Variants in NSG1 observed in about 807,000 individuals in gnomAD.
The protein encoded by NSG1 is neuronal vesicle trafficking associated 1.
NSG1 carries 9 observed loss-of-function variants against 19.3 expected under a neutral mutation model. The ratio of observed to expected loss-of-function variants is 0.47; its 90% confidence interval spans 0.28 to 0.81. The LOEUF (loss-of-function observed/expected upper bound fraction) is 0.81, where lower values mean the gene tolerates loss of function less well. NSG1 is among the 40% of genes least tolerant of loss of function. NSG1 has a pLI of 0.11. For missense variants in NSG1, 236 were observed against 242.4 expected (o/e 0.97, Z 0.18); for synonymous variants, 104 against 107.0 (o/e 0.97, Z 0.17).
chr4:4,402,368 G>GTTTTTTTT (rs1560143233), intron 3 of NSG1, among the ~76,000 whole-genome samples: 12 of 99,640 alleles, frequency 1.2e-4, no homozygotes, highest in African/African-American at 4.6e-4. Flanking sequence ...ACCACGCCTG[G>GTTTTTTTT]TTATTTTTTT....
chr4:4,395,500 G>A (rs1723206928), intron 3 of NSG1, among the ~76,000 whole-genome samples: 2 of 152,180 alleles, frequency 1.3e-5, no homozygotes, highest in Admixed American at 1.3e-4. Context: ...TGCACACAAT[G>A]AGGCGTGTGT....
At chr4:4,411,749 A>G (rs1033790413) in intron 4 of NSG1, among the ~76,000 whole-genome samples, 1 of 66,180 alleles carries the variant, frequency 1.5e-5, no homozygotes, top group Non-Finnish European at 2.7e-5. Flanking sequence ...GTCTAAAAAC[A>G]AAACAAAACA....
chr4:4,394,886 C>G (rs77966087), intron 3 of NSG1, among the ~76,000 whole-genome samples: 1,755 of 152,314 alleles, frequency 0.012, 35 homozygotes, highest in African/African-American at 0.038. Flanking sequence ...GCCATGCTTA[C>G]GCGTAAGCCT....
chr4:4,416,144 G>A (rs917491998), intron 4 of NSG1: 33 of 702,246 alleles, frequency 4.7e-5, no homozygotes, highest in Non-Finnish European at 8.1e-5. Flanking sequence ...CTCATTGGCC[G>A]CATTTTATAG....
At position 4,401,306 on chromosome 4, in the gene NSG1, C is replaced by A. The variant is rs181752302; in HGVS notation, c.247-8267C>A. 7.9e-5 allele frequency among the ~76,000 whole-genome samples: 12 copies of A among 152,296 alleles called. No individual in the cohort carries two copies. The East Asian group carries it at 2.1e-3, about 27-fold the overall frequency. On this transcript the variant is annotated intron_variant, in intron 3 of 4. Transcript: ENST00000621129. ...GAAATGCTAGTTTGTCACAAAGTGG[C>A]AGTTGCTTCCTGGGGTCCTGAAACA...
chr4:4,410,892 C>T (rs1724142597), intron 4 of NSG1, among the ~76,000 whole-genome samples: 1 of 152,184 alleles, frequency 6.6e-6, no homozygotes, highest in South Asian at 2.1e-4. Context: ...GAGTCTCACT[C>T]TGTTGCCCAG....
intron 3 of NSG1, among the ~76,000 whole-genome samples, chr4:4,397,319 G>A (rs189153731): frequency 1.1e-3 from 162 of 152,230 alleles, no homozygotes; most frequent in African/African-American, 2.9e-3. Context: ...GCACTGTCTC[G>A]TTCCCTGTTA....
chr4:4,415,915 C>T (rs59422242), intron 4 of NSG1: 42 of 579,562 alleles, frequency 7.2e-5, no homozygotes, highest in African/African-American at 6.4e-4. Context: ...TCCTGATGCA[C>T]GCGCTGCTGG....
At chr4:4,413,902 A>G (rs1724366215) in intron 4 of NSG1, among the ~76,000 whole-genome samples, 1 of 151,866 alleles carries the variant, frequency 6.6e-6, no homozygotes, top group Non-Finnish European at 1.5e-5. Flanking sequence ...GCAGAGGGGT[A>G]AAAGGAAAGG....
intron 3 of NSG1, 25 bp downstream of exon 3, chr4:4,391,616 A>T: frequency 6.7e-7 from 1 of 1,502,650 alleles, no homozygotes; most frequent in Non-Finnish European, 9.1e-7. Flanking sequence ...GCTGGGTGAG[A>T]TGCTGCTTTT....
intron 1 of NSG1, 63 bp downstream of exon 1, chr4:4,387,236 C>T (rs1722763930): frequency 5.4e-6 from 1 of 185,564 alleles, no homozygotes; most frequent in South Asian, 1.2e-4. Flanking sequence ...AGGAGCAGTG[C>T]CCGGGGGATG....
chr4:4,406,093 T>C (rs1180852047), intron 3 of NSG1, among the ~76,000 whole-genome samples: 2 of 152,182 alleles, frequency 1.3e-5, no homozygotes, highest in African/African-American at 4.8e-5. Context: ...AGTGGCGCGA[T>C]CTTGGCTCAC....
intron 3 of NSG1, among the ~76,000 whole-genome samples, chr4:4,404,602 C>T (rs183974688): frequency 3.3e-4 from 50 of 152,276 alleles, no homozygotes; most frequent in African/African-American, 1.1e-3. Context: ...AAGATGCTTC[C>T]GATCATGGCA....
intron 4 of NSG1, among the ~76,000 whole-genome samples, chr4:4,415,355 G>A (rs1724464838): frequency 6.6e-6 from 1 of 152,118 alleles, no homozygotes; most frequent in African/African-American, 2.4e-5. Flanking sequence ...AGAGAAGTTG[G>A]GGAACCTCCC....
intron 3 of NSG1, among the ~76,000 whole-genome samples, chr4:4,396,678 TGCGTGCCC>T (rs1723265694): frequency 1.8e-5 from 1 of 56,666 alleles, no homozygotes; most frequent in African/African-American, 3.9e-5. Context: ...TTGAGCTTCC[TGCGTGCCC>T]ATCTGTTTCC....
At chr4:4,415,484 C>A (rs917792394) in intron 4 of NSG1, among the ~76,000 whole-genome samples, 15 of 152,138 alleles carry the variant, frequency 9.9e-5, no homozygotes, top group African/African-American at 3.4e-4. Context: ...CTCAGAAAGC[C>A]TTCCCTGGCC....
chr4:4,415,379 G>C (rs1235278390), intron 4 of NSG1, among the ~76,000 whole-genome samples: 2 of 152,136 alleles, frequency 1.3e-5, no homozygotes, highest in African/African-American at 4.8e-5. Flanking sequence ...GCTCCTCCAA[G>C]TGCAGGCCCA....
chr4:4,411,096 TCCAC>T (rs774054238), intron 4 of NSG1, among the ~76,000 whole-genome samples: 4 of 152,152 alleles, frequency 2.6e-5, no homozygotes, highest in Non-Finnish European at 5.9e-5. Context: ...CCTCAGGTGA[TCCAC>T]CCACCTCGGC....
chr4:4,416,272 C>T, intron 4 of NSG1: 1 of 699,184 alleles, frequency 1.4e-6, no homozygotes, highest in Non-Finnish European at 2.6e-6. Flanking sequence ...GTGGCAGCCC[C>T]TGAACACTGG....
Sources: allele counts gnomAD v4.1 joint callset (sites outside exome capture counted in the v4.1 genomes callset), GRCh38; gene constraint gnomAD v4.1.1; transcripts MANE v1.5; gene names NCBI Gene and HGNC (gene_info 2026-07-23, HGNC 2026-07-21).